NPAS3: variants seen among roughly 807,000 people sequenced by gnomAD.
The protein encoded by NPAS3 is neuronal PAS domain protein 3, also known as neuronal PAS domain-containing protein 3.
In NPAS3, 14 loss-of-function variants were observed where a neutral mutation model predicts 73.1. The observed-to-expected ratio is 0.19, with a 90% CI of 0.13 to 0.30. The LOEUF (loss-of-function observed/expected upper bound fraction) is 0.30. Among genes scored for constraint, NPAS3 ranks in the 10% least tolerant of loss-of-function variants. The probability of loss-of-function intolerance (pLI) is 1.00; values close to 1 mark genes in which losing one functional copy is unlikely to be tolerated. For synonymous variants in NPAS3, 620 were observed against 541.5 expected, an observed-to-expected ratio of 1.14 and a Z score of -2.01; for missense variants, 1,096 against 1,250.0, an observed-to-expected ratio of 0.88 and a Z score of 1.86.
intron 6 of NPAS3, among the ~76,000 whole-genome samples, chr14:33,730,919 T>C (rs2061382533): frequency 6.6e-6 from 1 of 152,228 alleles, no homozygotes; most frequent in Non-Finnish European, 1.5e-5. Context: ...AAAAGATTCA[T>C]TTAGGCAATG....
At chr14:33,646,416 T>A (rs1016850460) in intron 5 of NPAS3, among the ~76,000 whole-genome samples, 2 of 152,154 alleles carry the variant, frequency 1.3e-5, no homozygotes, top group Non-Finnish European at 2.9e-5. Context: ...TGCCATTATT[T>A]TATCTAGTAA....
chr14:33,014,378 A>G (rs549971308), intron 1 of NPAS3, among the ~76,000 whole-genome samples: 2 of 152,304 alleles, frequency 1.3e-5, no homozygotes, highest in South Asian at 2.1e-4. Flanking sequence ...TGTTCCTGCT[A>G]AAGTTGTAGA....
At chr14:33,782,401 A>G (rs897038758) in intron 9 of NPAS3, among the ~76,000 whole-genome samples, 2 of 152,126 alleles carry the variant, frequency 1.3e-5, no homozygotes, top group African/African-American at 4.8e-5. Context: ...TAGCCCCCCA[A>G]AAATGGAGTG....
chr14:33,025,265 G>C (rs1462544407), intron 1 of NPAS3, among the ~76,000 whole-genome samples: 1 of 152,090 alleles, frequency 6.6e-6, no homozygotes, highest in Non-Finnish European at 1.5e-5. Context: ...GTAAGACCTT[G>C]GGTAAGGCAC....
At chr14:32,999,294 A>G (rs533939083) in intron 1 of NPAS3, among the ~76,000 whole-genome samples, 38 of 152,152 alleles carry the variant, frequency 2.5e-4, no homozygotes, top group African/African-American at 6.7e-4. Flanking sequence ...GGCAGATCAC[A>G]AGGTCAGGAG....
intron 3 of NPAS3, among the ~76,000 whole-genome samples, chr14:33,283,735 T>C (rs1225084939): frequency 6.6e-6 from 1 of 152,158 alleles, no homozygotes; most frequent in Non-Finnish European, 1.5e-5. Context: ...TCAGACAAAA[T>C]AGAAAGAAAA....
At chr14:33,094,571 T>A (rs2042342332) in intron 2 of NPAS3, among the ~76,000 whole-genome samples, 1 of 151,962 alleles carries the variant, frequency 6.6e-6, no homozygotes, top group Non-Finnish European at 1.5e-5. Flanking sequence ...GTTCAAGGTA[T>A]TCTCCTGCCT....
intron 1 of NPAS3, among the ~76,000 whole-genome samples, chr14:32,992,759 T>C (rs906115590): frequency 6.6e-6 from 1 of 152,146 alleles, no homozygotes; most frequent in Non-Finnish European, 1.5e-5. Context: ...ATGGAGAGAA[T>C]TGAGTCAAAG....
chr14:33,501,941 G>A (rs1285324736), intron 4 of NPAS3, among the ~76,000 whole-genome samples: 3 of 151,890 alleles, frequency 2.0e-5, no homozygotes, highest in African/African-American at 7.2e-5. Flanking sequence ...TCATTATTCA[G>A]GGAAAGGACC....
intron 1 of NPAS3, among the ~76,000 whole-genome samples, chr14:32,977,365 C>CACACACACAT (rs2037729688): frequency 6.6e-6 from 1 of 151,502 alleles, no homozygotes; most frequent in Non-Finnish European, 1.5e-5. Context: ...CGCACACACA[C>CACACACACAT]ACACACACAC....
chr14:33,171,270 T>C (rs2045377842), intron 2 of NPAS3, among the ~76,000 whole-genome samples: 1 of 152,200 alleles, frequency 6.6e-6, no homozygotes, highest in African/African-American at 2.4e-5. Flanking sequence ...GTGTAAACAT[T>C]GTACCATCAT....
chr14:33,576,019 A>G (rs1259000743), intron 5 of NPAS3, among the ~76,000 whole-genome samples: 3 of 152,102 alleles, frequency 2.0e-5, no homozygotes, highest in African/African-American at 4.8e-5. Flanking sequence ...GTTGCCAAAT[A>G]CAAACCTGTG....
At chr14:33,774,163 C>A (rs1462755688) in intron 7 of NPAS3, among the ~76,000 whole-genome samples, 174 bp from the exon 8 acceptor site, 3 of 152,162 alleles carry the variant, frequency 2.0e-5, no homozygotes, top group Non-Finnish European at 4.4e-5. Context: ...AATACTATTT[C>A]TTTTTTGTCT....
chr14:33,561,466 A>G (rs932709121), intron 5 of NPAS3, among the ~76,000 whole-genome samples: 2 of 152,206 alleles, frequency 1.3e-5, no homozygotes, highest in Admixed American at 6.5e-5. Flanking sequence ...TAGTGTGTGG[A>G]GTAATTCTAT....
At chr14:33,574,661 CA>C (rs923952254) in intron 5 of NPAS3, among the ~76,000 whole-genome samples, 1 of 152,046 alleles carries the variant, frequency 6.6e-6, no homozygotes, top group Non-Finnish European at 1.5e-5. Context: ...GAAGCTGAGG[CA>C]ACTTTAAGTG....
intron 5 of NPAS3, among the ~76,000 whole-genome samples, chr14:33,565,274 A>G (rs184182056): frequency 1.3e-5 from 2 of 152,376 alleles, no homozygotes; most frequent in East Asian, 3.9e-4. Flanking sequence ...CATTTGTTAT[A>G]TAAAATGGCA....
intron 4 of NPAS3, among the ~76,000 whole-genome samples, chr14:33,442,263 C>T (rs2049284725): frequency 6.6e-6 from 1 of 152,084 alleles, no homozygotes; most frequent in Admixed American, 6.5e-5. Flanking sequence ...ACTAAAGTTC[C>T]AGATCTCAGT....
chr14:33,400,636 G>T (rs189251614), intron 4 of NPAS3, among the ~76,000 whole-genome samples: 2 of 152,174 alleles, frequency 1.3e-5, no homozygotes, highest in Admixed American at 6.5e-5. Context: ...AACATAACCA[G>T]GGACATTTAG....
At chr14:33,612,387 C>T (rs1412067160) in intron 5 of NPAS3, 4 of 455,816 alleles carry the variant, frequency 8.8e-6, no homozygotes, top group Non-Finnish European at 1.8e-5. Flanking sequence ...AACCTGTTGT[C>T]TTTTCTACCC....
Sources: allele counts gnomAD v4.1 joint callset (sites outside exome capture counted in the v4.1 genomes callset), GRCh38; gene constraint gnomAD v4.1.1; transcripts MANE v1.5; gene names NCBI Gene and HGNC (gene_info 2026-07-23, HGNC 2026-07-21).